Variants in TINAGL1 observed in about 807,000 individuals in gnomAD.
The protein encoded by TINAGL1 is tubulointerstitial nephritis antigen like 1.
TINAGL1 carries 34 observed loss-of-function variants against 62.0 expected under a neutral mutation model. That is an observed-to-expected ratio of 0.55 (90% CI 0.42 to 0.73). The LOEUF is 0.73. Ranked by LOEUF, TINAGL1 falls within the 30% of genes least tolerant of loss-of-function variation. The pLI, the probability that TINAGL1 is intolerant of heterozygous loss-of-function variation, is 0.00. For missense variants in TINAGL1, 516 were observed against 653.2 expected, an observed-to-expected ratio of 0.79 and a Z score of 2.29; for synonymous variants, 221 against 249.7, an observed-to-expected ratio of 0.88 and a Z score of 1.08.
chr1:31,577,786 A>AT lies in TINAGL1; in HGVS notation c.310+333dup, dbSNP rs1184603737. 1.8e-5 allele frequency: 5 copies of AT among 275,542 alleles called. No homozygotes were observed. Among genetic ancestry groups the AT allele is most frequent in the Non-Finnish European group, 3.4e-5 (5 of 147,050 alleles). 17.1% of individuals were successfully genotyped at this position (275,542 alleles called of 1,614,324 possible). A position where few individuals can be genotyped will look rare whatever the true frequency, so the allele number is the denominator to read the frequency against. On this transcript the variant is annotated intron_variant, in intron 2 of 11. Coordinates refer to ENST00000271064, the MANE Select transcript of TINAGL1 (RefSeq NM_022164.3). This position sits in a 1 kb window ranked among gnomAD's most constrained non-coding sequence, Gnocchi z 5.4. ...TGGGTTGGTGAGGGTCATCTTAGCC[A>AT]TTTTTCTGCCTTTGCTGAGGATTCT...
chr1:31,580,227 G>A, intron 3 of TINAGL1: 2 of 579,734 alleles, frequency 3.4e-6, no homozygotes, highest in Non-Finnish European at 4.3e-6. Flanking sequence ...CTCTCTCTCT[G>A]TCTCTCTCTG....
At chr1:31,586,401 T>G in intron 10 of TINAGL1, 2 of 515,582 alleles carry the variant, frequency 3.9e-6, no homozygotes, top group Non-Finnish European at 3.5e-6. Flanking sequence ...GGCAGGTGGA[T>G]GTGTGGTCCC....
intron 2 of TINAGL1, chr1:31,578,112 A>T: frequency 1.0e-6 from 1 of 984,018 alleles, no homozygotes; most frequent in Non-Finnish European, 1.2e-6. Context: ...GGATCCCAGG[A>T]ATGTTGTGGC....
chr1:31,580,165 C>T lies in TINAGL1; in HGVS notation c.374+898C>T, dbSNP rs188728982. On this transcript the variant is annotated intron_variant, in intron 3 of 11. Transcript: ENST00000271064. ...CTGGACGTTGAGGGGTTAATGCGCT[C>T]TCTCTCTCTCTCTCTCTCTCTCTCT... 1.9e-4 allele frequency: 29 copies of T among 156,574 alleles called. No individual in the cohort carries two copies. The East Asian group carries it at 3.6e-3, about 19-fold the overall frequency. 9.7% of individuals were successfully genotyped at this position (156,574 alleles called of 1,614,324 possible).
In TINAGL1 at chr1:31,577,312, G is replaced by A. The variant is rs1054760040; in HGVS notation, c.164G>A (p.Cys55Tyr). 1.5e-5 allele frequency: 24 copies of A among 1,613,552 alleles called. No homozygotes were observed. The highest frequency in any genetic ancestry group is 1.8e-5 in the Non-Finnish European group (21 of 1,179,982). The change falls in exon 2 of 12, where the codon TGC becomes TAC. Residue 55 changes from cysteine to tyrosine, a missense_variant. Cys to Tyr is a radical substitution (Grantham distance 194). Transcript: ENST00000271064. The surrounding 1 kb of genome is among the most constrained non-coding windows in gnomAD (Gnocchi z 5.4). The stretch of plus-strand genomic sequence containing the variant: ...TACTGCCAGGAGCAGGACCTGTGCT[G>A]CCGCGGCCGTGCCGACGACTGTGCC... ...GRYCQEQDLC[C>Y]RGRADDCALP...
intron 3 of TINAGL1, among the ~76,000 whole-genome samples, chr1:31,581,323 TG>T (rs1211416684): frequency 3.9e-5 from 6 of 151,986 alleles, no homozygotes; most frequent in Non-Finnish European, 7.4e-5. Context: ...GTAGCAGACT[TG>T]GTGAATAAGG....
chr1:31,580,199 C>CTCTCTG lies in TINAGL1; in HGVS notation c.374+937_374+938insGTCTCT, dbSNP rs1553149081. 5.3e-3 allele frequency: 2,380 copies of CTCTCTG among 446,282 alleles called. 26 individuals carry two copies. The highest frequency in any genetic ancestry group is 0.048 in the African/African-American group (1,259 of 26,430). The allele number at this position is 446,282 out of a possible 1,614,324, so 27.6% of individuals were successfully genotyped here. A position where few individuals can be genotyped will look rare whatever the true frequency, so the allele number is the denominator to read the frequency against. ...TCTCTCTCTCTCTCTCTCTCTCTCT[C>CTCTCTG]TCTCTCTCTCTCTGTCTCTCTCTCT... On this transcript the variant is annotated intron_variant, in intron 3 of 11. Coordinates refer to ENST00000271064, the MANE Select transcript of TINAGL1 (RefSeq NM_022164.3).
In TINAGL1 at chr1:31,577,213, C is replaced by T; in HGVS notation, c.65C>T (p.Ala22Val). 6.3e-7 allele frequency: 1 copy of T among 1,597,988 alleles called. No homozygotes were observed. Among genetic ancestry groups the T allele is most frequent in the Non-Finnish European group, 8.5e-7 (1 of 1,173,646 alleles). The change falls in exon 2 of 12, where the codon GCC becomes GTC. Residue 22 changes from alanine to valine, a missense_variant. Ala to Val is a moderately conservative substitution (Grantham distance 64). Coordinates refer to ENST00000271064, the MANE Select transcript of TINAGL1 (RefSeq NM_022164.3). The surrounding 1 kb of genome is among the most constrained non-coding windows in gnomAD (Gnocchi z 5.4). ...LPLAGHLALG[A>V]QQGRGRRELA... ...CTGGCTGGCCACTTGGCTCTGGGTG[C>T]CCAGCAGGGTCGTGGGCGCCGGGAG...
In TINAGL1 at chr1:31,585,262, C is replaced by A. The variant is rs992557899; in HGVS notation, c.969C>A (p.Ala323=). The A allele has an allele frequency of 1.2e-6, 2 of 1,613,604 alleles. No individual in the cohort carries two copies. The highest frequency in any genetic ancestry group is 1.7e-6 in the Non-Finnish European group (2 of 1,179,762). Residue 323 remains alanine, a synonymous_variant, in exon 8 of 12, where the codon GCC becomes GCA. Transcript: ENST00000271064. This position sits in a 1 kb window ranked among gnomAD's most constrained non-coding sequence, Gnocchi z 4.3. ...SRAMGRGKRQ[A]TAHCPNSYVN... is the part of the protein sequence containing the mutation. Reference sequence around the variant, plus strand: ...CCATGGGTCGGGGCAAGCGCCAGGCCACTGCCCACTGCCCCAACAGCTATG... The same window carrying A: ...CCATGGGTCGGGGCAAGCGCCAGGCAACTGCCCACTGCCCCAACAGCTATG...
At position 31,580,201 on chromosome 1, in the gene TINAGL1, CTCTCTCTCTCTG is replaced by C. The variant is rs1557557900; in HGVS notation, c.374+946_374+957del. 3.7e-3 allele frequency: 1,713 copies of C among 466,620 alleles called. 14 individuals are homozygous for C. The highest frequency in any genetic ancestry group is 8.9e-3 in the Admixed American group (104 of 11,650). 28.9% of individuals were successfully genotyped at this position (466,620 alleles called of 1,614,324 possible). On this transcript the variant is annotated intron_variant, in intron 3 of 11. Transcript: ENST00000271064. ...TCTCTCTCTCTCTCTCTCTCTCTCT[CTCTCTCTCTCTG>C]TCTCTCTCTCTCTGTCTCTCTCTGT...
Position 31,586,880 on chromosome 1 carries a change from C to A in TINAGL1, c.1305C>A (p.Gly435=). 1 of 1,555,696 alleles carries A rather than the reference C, an allele frequency of 6.4e-7. No individual in the cohort carries two copies. ...GGGGCCCAGCCTGGGGCGAGAGGGG[C>A]CACTTCCGCATCGTGCGCGGCGTCA... is the stretch of plus-strand genomic sequence containing the variant. The part of the protein sequence containing the change: ...NSWGPAWGER[G]HFRIVRGVNE... Residue 435 remains glycine (G), a synonymous_variant, in exon 12 of 12, where the codon GGC becomes GGA. Transcript: ENST00000271064.
Position 31,586,690 on chromosome 1 carries a change from C to G in TINAGL1, c.1218-20C>G. 2 of 1,556,960 alleles carry G rather than the reference C, an allele frequency of 1.3e-6. No individual in the cohort carries two copies. Among genetic ancestry groups the G allele is most frequent in the Non-Finnish European group, 1.7e-6 (2 of 1,149,904 alleles). ...GCAGGTAGACCCAGCTCCCTTCCCC[C>G]TCCTCTGCTCTGCCCACAGATGGGG... On this transcript the variant is annotated intron_variant, in intron 10 of 11. Coordinates refer to ENST00000271064, the MANE Select transcript of TINAGL1 (RefSeq NM_022164.3).
Position 31,585,653 on chromosome 1 carries a change from G to C in TINAGL1, c.1094-100G>C. On this transcript the variant is annotated intron_variant, in intron 9 of 11. Transcript: ENST00000271064. The surrounding 1 kb of genome is among the most constrained non-coding windows in gnomAD (Gnocchi z 4.3). Reference sequence around the variant, plus strand: ...CCTGGAGGGAGCACTTAGAGCTTTGGTATGGAGGGACCCTGGTGCCTGGGC... The same window carrying C: ...CCTGGAGGGAGCACTTAGAGCTTTGCTATGGAGGGACCCTGGTGCCTGGGC... 6.5e-7 allele frequency: 1 copy of C among 1,545,784 alleles called. No individual in the cohort carries two copies. The highest frequency in any genetic ancestry group is 1.9e-5 in the Admixed American group (1 of 51,648).
intron 3 of TINAGL1, among the ~76,000 whole-genome samples, chr1:31,580,964 G>A (rs1443084672): frequency 6.6e-6 from 1 of 152,256 alleles, no homozygotes; most frequent in Middle Eastern, 3.4e-3. Context: ...AGAGGATAAC[G>A]GGGGTCCCAG....
chr1:31,579,062 T>TGTGTGTGTGTGTGTGTGTGTG, intron 2 of TINAGL1, 142 bp from the exon 3 acceptor site: 1 of 649,372 alleles, frequency 1.5e-6, no homozygotes, highest in Non-Finnish European at 2.8e-6. Flanking sequence ...TGAGAGCTGG[T>TGTGTGTGTGTGTGTGTGTGTG]ATGTGTGTGT....
At position 31,586,922 on chromosome 1, in the gene TINAGL1, G is replaced by A. The variant is rs1188876473; in HGVS notation, c.1347G>A (p.Glu449=). ...GCGGCGTCAATGAGTGCGACATCGA[G>A]AGCTTCGTGCTGGGCGTCTGGGGCC... ...IVRGVNECDI[E]SFVLGVWGRV... The change falls in exon 12 of 12, where the codon GAG becomes GAA. Residue 449 remains glutamate (E), a synonymous_variant. Coordinates refer to ENST00000271064, the MANE Select transcript of TINAGL1 (RefSeq NM_022164.3). The A allele has an allele frequency of 6.5e-7, 1 of 1,541,916 alleles. No individual in the cohort carries two copies. The highest frequency in any genetic ancestry group is 1.3e-5 in the South Asian group (1 of 79,642).
At position 31,576,722 on chromosome 1, in the gene TINAGL1, G is replaced by C. The variant is rs1443972593; in HGVS notation, c.-16+127G>C. On this transcript the variant is annotated intron_variant, in intron 1 of 11. Transcript: ENST00000271064. This position sits in a 1 kb window ranked among gnomAD's most constrained non-coding sequence, Gnocchi z 5.1. ...AGTGGAGGGGGACAGAGGGACACAG[G>C]AACAGAAGAGAGGTGTACCCAAAAG... 1 of 169,206 alleles carries C rather than the reference G, an allele frequency of 5.9e-6. No homozygotes were observed. The highest frequency in any genetic ancestry group is 1.3e-5 in the Non-Finnish European group (1 of 79,070). The allele number at this position is 169,206 out of a possible 1,614,324, so 10.5% of individuals were successfully genotyped here. A position where few individuals can be genotyped will look rare whatever the true frequency, so the allele number is the denominator to read the frequency against.
In TINAGL1 at chr1:31,577,011, G is replaced by T; in HGVS notation, c.-15-123G>T. 1.1e-6 allele frequency: 1 copy of T among 882,024 alleles called. No individual in the cohort carries two copies. Among genetic ancestry groups the T allele is most frequent in the Non-Finnish European group, 1.7e-6 (1 of 602,236 alleles). The allele number at this position is 882,024 out of a possible 1,614,324, so 54.6% of individuals were successfully genotyped here. ...GGCTCCTCTGCCCGTGTCCTGCCTG[G>T]GGACTCAGGAATCGGGATCTCCCTC... On this transcript the variant is annotated intron_variant, in intron 1 of 11. Transcript: ENST00000271064. The surrounding 1 kb of genome is among the most constrained non-coding windows in gnomAD (Gnocchi z 5.4).
chr1:31,580,397 C>T (rs1262394949), intron 3 of TINAGL1: 2 of 1,289,208 alleles, frequency 1.6e-6, no homozygotes, highest in South Asian at 2.5e-5. Context: ...AGTCTACTGC[C>T]CTCTCCTCAT....
Sources: gnomAD v4.1 joint callset for allele counts (sites outside exome capture counted in the v4.1 genomes callset) on GRCh38, gnomAD v4.1.1 for gene constraint, Gnocchi (gnomAD v3.1) non-coding constraint, MANE v1.5 for transcripts, NCBI Gene and HGNC (gene_info 2026-07-23, HGNC 2026-07-21) for gene names.